STAG1: variants seen among roughly 807,000 people sequenced by gnomAD.
The protein encoded by STAG1 is cohesin subunit SA-1.
In STAG1, 26 loss-of-function variants were observed where a neutral mutation model predicts 170.9. The observed-to-expected ratio is 0.15, with a 90% CI of 0.11 to 0.21. STAG1 has a LOEUF of 0.21. Ranked by LOEUF, STAG1 falls within the 10% of genes least tolerant of loss-of-function variation. STAG1 has a pLI of 1.00. For missense variants in STAG1, 964 were observed against 1,509.5 expected (o/e 0.64, Z 5.99); for synonymous variants, 514 against 497.7 (o/e 1.03, Z -0.44).
At chr3:136,416,325 T>G (rs1285456244) in intron 21 of STAG1, among the ~76,000 whole-genome samples, 1 of 152,170 alleles carries the variant, frequency 6.6e-6, no homozygotes, top group African/African-American at 2.4e-5. Flanking sequence ...ACAAAACTTT[T>G]AATGTCACAT....
At chr3:136,516,452 G>T (rs1401746403) in intron 7 of STAG1, among the ~76,000 whole-genome samples, 1 of 151,898 alleles carries the variant, frequency 6.6e-6, no homozygotes, top group African/African-American at 2.4e-5. Flanking sequence ...GGGTTGCAAG[G>T]AAACAAAACC....
At chr3:136,714,735 A>AAAAT (rs568756439) in intron 1 of STAG1, among the ~76,000 whole-genome samples, 1,974 of 150,760 alleles carry the variant, frequency 0.013, 20 homozygotes, top group African/African-American at 0.039. Flanking sequence ...CTCAAAAATA[A>AAAAT]AAATAAATAA....
chr3:136,464,863 CA>C lies in STAG1; in HGVS notation c.1313+17del, dbSNP rs781066684. The C allele has an allele frequency of 6.3e-7, 1 of 1,598,438 alleles. No individual in the cohort carries two copies. The highest frequency in any genetic ancestry group is 1.1e-5 in the South Asian group (1 of 88,392). On this transcript the variant is annotated intron_variant, in intron 13 of 33. Transcript: ENST00000383202. ...AACATAGAAAAGTAGAACCGGTTTT[CA>C]AAGATAATTAGCTCACTTTTTGTGA...
At chr3:136,742,961 A>G (rs912432938) in intron 1 of STAG1, among the ~76,000 whole-genome samples, 1 of 152,224 alleles carries the variant, frequency 6.6e-6, no homozygotes, top group Non-Finnish European at 1.5e-5. Flanking sequence ...AGCAAAGCAG[A>G]AGAAAATTTT....
intron 15 of STAG1, among the ~76,000 whole-genome samples, chr3:136,435,195 C>T (rs2088420844): frequency 6.6e-6 from 1 of 152,144 alleles, no homozygotes; most frequent in South Asian, 2.1e-4. Context: ...TTCTATAACG[C>T]TAATAGCAAT....
At chr3:136,427,956 GGAAAAACT>G (rs1221853882) in intron 16 of STAG1, among the ~76,000 whole-genome samples, 2 of 152,070 alleles carry the variant, frequency 1.3e-5, no homozygotes, top group Admixed American at 6.6e-5. Context: ...CAAGAGAAGA[GGAAAAACT>G]GTTTCTGCTG....
intron 21 of STAG1, among the ~76,000 whole-genome samples, chr3:136,416,678 A>G (rs1338566499): frequency 6.6e-6 from 1 of 152,194 alleles, no homozygotes; most frequent in Non-Finnish European, 1.5e-5. Context: ...GATGTCAGCA[A>G]TACATTTTAA....
At chr3:136,460,138 A>T (rs994491523) in intron 13 of STAG1, among the ~76,000 whole-genome samples, 3 of 152,210 alleles carry the variant, frequency 2.0e-5, no homozygotes, top group Non-Finnish European at 2.9e-5. Context: ...TAAAAAAAAG[A>T]ATATCCAAAT....
chr3:136,724,807 T>G, intron 1 of STAG1, among the ~76,000 whole-genome samples: 1 of 152,098 alleles, frequency 6.6e-6, no homozygotes, highest in East Asian at 1.9e-4. Flanking sequence ...TAAACAAGGT[T>G]CTCAGCTAGT....
chr3:136,426,260 A>G (rs1294557135), intron 16 of STAG1, among the ~76,000 whole-genome samples: 1 of 151,974 alleles, frequency 6.6e-6, no homozygotes, highest in African/African-American at 2.4e-5. Context: ...ACAAAAAAAA[A>G]TTAGCTGCGT....
intron 16 of STAG1, among the ~76,000 whole-genome samples, chr3:136,428,960 C>A (rs908254875): frequency 2.6e-5 from 4 of 152,222 alleles, no homozygotes; most frequent in South Asian, 2.1e-4. Context: ...CATGGTGAAA[C>A]CCCGTATCTA....
rs140062870 is a variant in STAG1, at chr3:136,664,482, T to C, written c.-83-33501A>G. Among the ~76,000 whole-genome samples, 106 of 152,258 alleles carry C rather than the reference T, an allele frequency of 7.0e-4. 1 individual carries two copies. Among genetic ancestry groups the C allele is most frequent in the African/African-American group, 2.5e-3 (103 of 41,538 alleles). On this transcript the variant is annotated intron_variant, in intron 1 of 33. Coordinates refer to ENST00000383202, the MANE Select transcript of STAG1 (RefSeq NM_005862.3). ...GATTATTTTAGCAATTGGGGGTACC[T>C]AGAAGCCTGCCACCTAGTCAACCAT...
intron 1 of STAG1, among the ~76,000 whole-genome samples, chr3:136,731,247 A>G (rs920894734): frequency 6.7e-6 from 1 of 148,474 alleles, no homozygotes; most frequent in Non-Finnish European, 1.5e-5. Flanking sequence ...CTTTACTACA[A>G]AAAAAAAAAG....
At chr3:136,704,207 C>A (rs1216028179) in intron 1 of STAG1, among the ~76,000 whole-genome samples, 1 of 151,576 alleles carries the variant, frequency 6.6e-6, no homozygotes, top group Non-Finnish European at 1.5e-5. Context: ...TGCACCACGA[C>A]GCCTGGCTAC....
intron 21 of STAG1, among the ~76,000 whole-genome samples, chr3:136,405,231 C>CTTTTTTTTTTTTTTTTTTTTTTTTTTTTT (rs554475207): frequency 1.6e-5 from 1 of 60,876 alleles, no homozygotes; most frequent in Non-Finnish European, 3.5e-5. Flanking sequence ...GAAAAAACCT[C>CTTTTTTTTTTTTTTTTTTTTTTTTTTTTT]TTTTTTTTTT....
intron 1 of STAG1, among the ~76,000 whole-genome samples, chr3:136,696,207 AG>A (rs1412007635): frequency 1.3e-5 from 2 of 152,144 alleles, no homozygotes; most frequent in African/African-American, 4.8e-5. Flanking sequence ...GTTGCCTTAG[AG>A]TCAAGGCAGG....
chr3:136,674,216 A>C (rs906912848), intron 1 of STAG1, among the ~76,000 whole-genome samples: 5 of 151,394 alleles, frequency 3.3e-5, no homozygotes, highest in Admixed American at 1.3e-4. Context: ...GGAGGGATTA[A>C]TTCAAAAGAG....
intron 20 of STAG1, among the ~76,000 whole-genome samples, chr3:136,418,899 C>T (rs2087862548): frequency 6.6e-6 from 1 of 151,908 alleles, no homozygotes; most frequent in Non-Finnish European, 1.5e-5. Context: ...CCATGGTGTC[C>T]CAAAGTGCTG....
chr3:136,415,351 T>TA (rs2087741885), intron 21 of STAG1, among the ~76,000 whole-genome samples: 1 of 151,534 alleles, frequency 6.6e-6, no homozygotes. Flanking sequence ...GTCAAACATA[T>TA]AGCTAATATA....
Sources: gnomAD v4.1 joint callset for allele counts (sites outside exome capture counted in the v4.1 genomes callset) on GRCh38, gnomAD v4.1.1 for gene constraint, MANE v1.5 for transcripts, NCBI Gene and HGNC (gene_info 2026-07-23, HGNC 2026-07-21) for gene names.